Variants in RRAS2 observed in about 807,000 individuals in gnomAD.
The protein encoded by RRAS2 is ras-related protein R-Ras2.
In RRAS2, 7 loss-of-function variants were observed where a neutral mutation model predicts 27.6. The ratio of observed to expected loss-of-function variants is 0.25; its 90% CI spans 0.14 to 0.48. The LOEUF (loss-of-function observed/expected upper bound fraction) is 0.48. RRAS2 is among the 20% of genes least tolerant of loss of function. The pLI, the probability that RRAS2 is intolerant of heterozygous loss-of-function variation, is 0.99. For missense variants in RRAS2, 178 were observed against 256.2 expected (o/e 0.69, Z 2.08); for synonymous variants, 86 against 90.9 (o/e 0.95, Z 0.31).
At chr11:14,322,965 T>C (rs775442635) in intron 1 of RRAS2, among the ~76,000 whole-genome samples, 1 of 152,122 alleles carries the variant, frequency 6.6e-6, no homozygotes, top group African/African-American at 2.4e-5. Context: ...AAAAATTCAA[T>C]AGATGGACTA....
chr11:14,285,441 TTAAC>T (rs1849635623), intron 4 of RRAS2, among the ~76,000 whole-genome samples: 3 of 152,224 alleles, frequency 2.0e-5, no homozygotes, highest in Admixed American at 2.0e-4. Context: ...TTTTTTGTTA[TTAAC>T]TTTTACTTCA....
chr11:14,363,194 A>G (rs1163610050), upstream of RRAS2, among the ~76,000 whole-genome samples: 13 of 152,210 alleles, frequency 8.5e-5, no homozygotes, highest in Admixed American at 7.2e-4. Context: ...CCTCCTGTTC[A>G]TCAGGGTCAC....
In RRAS2 at chr11:14,358,802, G is replaced by A. The variant is rs1849138874; in HGVS notation, c.69C>T (p.Gly23=). 2.0e-6 allele frequency: 3 copies of A among 1,486,562 alleles called. No individual in the cohort carries two copies. Among genetic ancestry groups the A allele is most frequent in the East Asian group, 2.9e-5 (1 of 34,444 alleles). 92.1% of individuals were successfully genotyped at this position (1,486,562 alleles called of 1,614,324 possible). The change falls in exon 1 of 6, where the codon GGC becomes GGT. Residue 23 remains glycine, a synonymous_variant. Coordinates refer to ENST00000256196, the MANE Select transcript of RRAS2 (RefSeq NM_012250.6). The surrounding 1 kb of genome is among the most constrained non-coding windows in gnomAD (Gnocchi z 5.1). ...EKYRLVVVGG[G]GVGKSALTIQ... ...TGGTGAGCGCCGACTTGCCCACGCC[G>A]CCCCCGCCGACCACCACGAGCCGGT...
At chr11:14,329,555 G>C (rs1848443542) in intron 1 of RRAS2, among the ~76,000 whole-genome samples, 1 of 152,098 alleles carries the variant, frequency 6.6e-6, no homozygotes, top group Admixed American at 6.6e-5. Flanking sequence ...CTTTCCTAAA[G>C]AGGGTCCTCA....
intron 1 of RRAS2, among the ~76,000 whole-genome samples, chr11:14,333,009 T>C (rs1848511667): frequency 6.6e-6 from 1 of 152,160 alleles, no homozygotes; most frequent in Non-Finnish European, 1.5e-5. Flanking sequence ...AAGAAAAAGA[T>C]AACTCAACAT....
In RRAS2 at chr11:14,294,460, T is replaced by C; in HGVS notation, c.408+11A>G. 6.6e-7 allele frequency: 1 copy of C among 1,520,924 alleles called. No individual in the cohort carries two copies. The highest frequency in any genetic ancestry group is 2.3e-5 in the East Asian group (1 of 44,246). 94.2% of individuals were successfully genotyped at this position (1,520,924 alleles called of 1,614,324 possible). A position where few individuals can be genotyped will look rare whatever the true frequency, so the allele number is the denominator to read the frequency against. On this transcript the variant is annotated intron_variant, in intron 4 of 5. Transcript: ENST00000256196. Reference sequence around the variant, plus strand: ...AACAATTGGTTTCCCAACAGTGAAATTCCTTCTCACCTGTCTTTGATGATC... The same window carrying C: ...AACAATTGGTTTCCCAACAGTGAAACTCCTTCTCACCTGTCTTTGATGATC...
At chr11:14,286,847 C>G (rs938625440) in intron 4 of RRAS2, among the ~76,000 whole-genome samples, 1 of 152,094 alleles carries the variant, frequency 6.6e-6, no homozygotes, top group African/African-American at 2.4e-5. Context: ...ATCAAGTTAC[C>G]CGAACAATTA....
At chr11:14,295,020 C>T (rs1554946389) in intron 2 of RRAS2, among the ~76,000 whole-genome samples, 158 bp from the exon 3 acceptor site, 1 of 152,112 alleles carries the variant, frequency 6.6e-6, no homozygotes, top group Non-Finnish European at 1.5e-5. Context: ...ATACTAAAGG[C>T]AAATATATTC....
intron 1 of RRAS2, among the ~76,000 whole-genome samples, chr11:14,334,859 C>T (rs979994853): frequency 2.6e-5 from 4 of 152,192 alleles, no homozygotes; most frequent in Non-Finnish European, 5.9e-5. Flanking sequence ...AAGACACCTT[C>T]TTTTTCTAAA....
At chr11:14,311,395 G>A (rs1220473854) in intron 1 of RRAS2, among the ~76,000 whole-genome samples, 9 of 152,098 alleles carry the variant, frequency 5.9e-5, no homozygotes, top group African/African-American at 1.7e-4. Flanking sequence ...TTTTGAGACA[G>A]AGTCTCTCCA....
At chr11:14,324,936 T>C (rs781859400) in intron 1 of RRAS2, among the ~76,000 whole-genome samples, 2 of 152,206 alleles carry the variant, frequency 1.3e-5, no homozygotes, top group Non-Finnish European at 2.9e-5. Flanking sequence ...AACTAGTTTA[T>C]GCATGTGGAA....
chr11:14,292,696 A>G (rs1173103914), intron 4 of RRAS2, among the ~76,000 whole-genome samples: 1 of 152,222 alleles, frequency 6.6e-6, no homozygotes, highest in African/African-American at 2.4e-5. Context: ...TTTGAAATGA[A>G]GAACAAATTT....
At chr11:14,363,282 A>G (rs1361934495), upstream of RRAS2, among the ~76,000 whole-genome samples, 3 of 152,180 alleles carry the variant, frequency 2.0e-5, no homozygotes, top group African/African-American at 7.2e-5. Context: ...AAATCCTACT[A>G]TGACAATGTT....
In RRAS2 at chr11:14,358,195, A is replaced by G. The variant is rs559846399; in HGVS notation, c.108+568T>C. The G allele has an allele frequency of 4.1e-6, 4 of 982,974 alleles. No individual in the cohort carries two copies. The highest frequency in any genetic ancestry group is 4.8e-6 in the Non-Finnish European group (4 of 827,642). The allele number at this position is 982,974 out of a possible 1,614,324, so 60.9% of individuals were successfully genotyped here. ...CATTATCACACACTCCCACCCGGACATATTACCTAAGAGAGTACTTATAAA... is the reference window on the plus strand; with the variant it reads ...CATTATCACACACTCCCACCCGGACGTATTACCTAAGAGAGTACTTATAAA... On this transcript the variant is annotated intron_variant, in intron 1 of 5. Coordinates refer to ENST00000256196, the MANE Select transcript of RRAS2 (RefSeq NM_012250.6). This position sits in a 1 kb window ranked among gnomAD's most constrained non-coding sequence, Gnocchi z 5.1.
intron 1 of RRAS2, among the ~76,000 whole-genome samples, chr11:14,349,315 CTAATT>C (rs1848903194): frequency 6.6e-6 from 1 of 150,582 alleles, no homozygotes; most frequent in South Asian, 2.1e-4. Context: ...CCACACCCGG[CTAATT>C]TTTTTTTTTT....
intron 1 of RRAS2, among the ~76,000 whole-genome samples, chr11:14,319,640 G>A (rs1848184719): frequency 6.6e-6 from 1 of 151,178 alleles, no homozygotes. Context: ...TTACAGGCGT[G>A]AGCCACCGCG....
intron 1 of RRAS2, among the ~76,000 whole-genome samples, chr11:14,332,949 T>C (rs1351406349): frequency 6.6e-6 from 1 of 152,196 alleles, no homozygotes; most frequent in Non-Finnish European, 1.5e-5. Flanking sequence ...AATTTACAAC[T>C]TTTTTCTTAT....
chr11:14,313,236 TAG>T (rs1848017387), intron 1 of RRAS2, among the ~76,000 whole-genome samples: 1 of 152,208 alleles, frequency 6.6e-6, no homozygotes, highest in South Asian at 2.1e-4. Context: ...TCACACCATT[TAG>T]AGACACAAAT....
At position 14,292,600 on chromosome 11, in the gene RRAS2, T is replaced by C. The variant is rs578257435; in HGVS notation, c.408+1871A>G. Among the ~76,000 whole-genome samples the C allele has an allele frequency of 1.3e-4, 19 of 151,948 alleles. No homozygotes were observed. In the South Asian group the frequency reaches 3.9e-3, roughly 32 times the overall value. The stretch of plus-strand genomic sequence containing the variant: ...GGTCTTAAAAAAAAACAAAATTAAA[T>C]CTAAAAAAAATAGATGAACTGTCTA... On this transcript the variant is annotated intron_variant, in intron 4 of 5. Coordinates refer to ENST00000256196, the MANE Select transcript of RRAS2 (RefSeq NM_012250.6).
Sources: allele counts gnomAD v4.1 joint callset (sites outside exome capture counted in the v4.1 genomes callset), GRCh38; gene constraint gnomAD v4.1.1; non-coding constraint Gnocchi (gnomAD v3.1); transcripts MANE v1.5; gene names NCBI Gene and HGNC (gene_info 2026-07-23, HGNC 2026-07-21).